The following IMPA1 variants were observed in gnomAD, a reference collection of about 807,000 sequenced individuals.
IMPA1 encodes D-galactose 1-phosphate phosphatase.
A neutral mutation model predicts 34.9 loss-of-function variants in IMPA1; 21 were observed. The ratio of observed to expected loss-of-function variants is 0.60; its 90% CI spans 0.43 to 0.87. IMPA1 has a LOEUF of 0.87. Among genes scored for constraint, IMPA1 ranks in the 40% least tolerant of loss-of-function variants. The pLI, the probability that IMPA1 is intolerant of heterozygous loss-of-function variation, is 0.00. For missense variants in IMPA1, 299 were observed against 336.4 expected, an observed-to-expected ratio of 0.89 and a Z score of 0.87; for synonymous variants, 95 against 104.4, an observed-to-expected ratio of 0.91 and a Z score of 0.55.
intron 7 of IMPA1, among the ~76,000 whole-genome samples, chr8:81,670,688 C>T (rs1806959957): frequency 6.6e-6 from 1 of 152,108 alleles, no homozygotes; most frequent in African/African-American, 2.4e-5. Flanking sequence ...TAGACTGAAT[C>T]CTACTTTATT....
chr8:81,668,183 A>G (rs1245672945), intron 7 of IMPA1, among the ~76,000 whole-genome samples: 1 of 152,142 alleles, frequency 6.6e-6, no homozygotes, highest in Non-Finnish European at 1.5e-5. Flanking sequence ...TATCTGGCAG[A>G]AAAAAATTTC....
At chr8:81,686,182 A>G in intron 1 of IMPA1, 70 bp downstream of exon 1, 34 of 945,166 alleles carry the variant, frequency 3.6e-5, no homozygotes, top group Non-Finnish European at 4.4e-5. Context: ...TGAGGAGGGA[A>G]GGGGCCTCCC....
intron 8 of IMPA1, 34 bp downstream of exon 8, chr8:81,660,482 G>A (rs369312913): frequency 3.1e-6 from 5 of 1,590,720 alleles, no homozygotes; most frequent in African/African-American, 2.7e-5. Context: ...TCCAACAGAT[G>A]TGTGGAGATC....
chr8:81,675,675 A>T (rs1026477887), intron 5 of IMPA1, among the ~76,000 whole-genome samples: 3 of 152,234 alleles, frequency 2.0e-5, no homozygotes, highest in African/African-American at 7.2e-5. Flanking sequence ...GTTAGTAACC[A>T]TCCTTTACTG....
rs1249613593 is a variant in IMPA1 at position 81,660,524 on chromosome 8, T to G, written c.710A>C (p.Asp237Ala). The G allele has an allele frequency of 6.2e-7, 1 of 1,613,498 alleles. No individual in the cohort carries two copies. The highest frequency in any genetic ancestry group is 8.5e-7 in the Non-Finnish European group (1 of 1,179,630). Reference protein sequence around the residue: ...IVTEAGGVLMDVTGGPFDLMS... With the variant: ...IVTEAGGVLMAVTGGPFDLMS... The stretch of plus-strand genomic sequence containing the variant: ...ACTCTCCATAATTTTACCTGTAACA[T>G]CCATTAGCACGCCACCAGCTTCAGT... The change falls in exon 8 of 9, where the codon GAT becomes GCT. Residue 237 changes from aspartate (D) to alanine (A), a missense_variant. Coordinates refer to ENST00000256108, the MANE Select transcript of IMPA1 (RefSeq NM_005536.4).
At chr8:81,679,658 T>C (rs1426216740) in intron 3 of IMPA1, among the ~76,000 whole-genome samples, 2 of 151,982 alleles carry the variant, frequency 1.3e-5, no homozygotes, top group Admixed American at 6.6e-5. Flanking sequence ...CCTACACTTT[T>C]CTATTGTTGC....
At chr8:81,675,893 C>G (rs142495018) in intron 5 of IMPA1, among the ~76,000 whole-genome samples, 2 of 152,144 alleles carry the variant, frequency 1.3e-5, no homozygotes, top group Non-Finnish European at 1.5e-5. Flanking sequence ...TAAAGCATTC[C>G]CAGCTCAAAT....
In IMPA1 at chr8:81,679,526, T is replaced by C. The variant is rs536365814; in HGVS notation, c.198-296A>G. ...AACTTGGAAGGCTGAGGCAGGAGAA[T>C]GGCTTTAGCCTGGTAGGCGGAGGTT... On this transcript the variant is annotated intron_variant, in intron 3 of 8. Transcript: ENST00000256108. Among the ~76,000 whole-genome samples the C allele has an allele frequency of 2.7e-5, 4 of 150,680 alleles. No individual in the cohort carries two copies. In the East Asian group the frequency reaches 7.9e-4, roughly 30 times the overall value.
At chr8:81,685,348 T>A (rs1807479613) in intron 1 of IMPA1, among the ~76,000 whole-genome samples, 1 of 137,690 alleles carries the variant, frequency 7.3e-6, no homozygotes, top group Non-Finnish European at 1.5e-5. Flanking sequence ...ATACTATATG[T>A]AAGTATATAT....
At chr8:81,673,232 A>G (rs1807039882) in intron 6 of IMPA1, among the ~76,000 whole-genome samples, 1 of 152,242 alleles carries the variant, frequency 6.6e-6, no homozygotes, top group Non-Finnish European at 1.5e-5. Flanking sequence ...AGACAAATTC[A>G]TATCTGATTG....
intron 8 of IMPA1, 59 bp from the exon 9 acceptor site, chr8:81,659,525 A>T: frequency 5.3e-6 from 5 of 950,876 alleles, no homozygotes; most frequent in African/African-American, 1.6e-5. Context: ...TTCATATAAA[A>T]CAAGTATAGC....
intron 7 of IMPA1, among the ~76,000 whole-genome samples, chr8:81,670,508 G>A (rs1176533075): frequency 6.6e-6 from 1 of 152,140 alleles, no homozygotes; most frequent in African/African-American, 2.4e-5. Context: ...AAGTGACAAG[G>A]TGGAAATAAC....
intron 1 of IMPA1, among the ~76,000 whole-genome samples, chr8:81,684,349 T>C (rs1466047102): frequency 6.9e-6 from 1 of 145,376 alleles, no homozygotes; most frequent in Non-Finnish European, 1.5e-5. Context: ...ATATAGTATA[T>C]ATACCATACA....
In IMPA1 at chr8:81,659,095, T is replaced by A. The variant is rs552863713; in HGVS notation, c.*256A>T. 2.2e-6 allele frequency: 1 copy of A among 452,626 alleles called. No homozygotes were observed. The highest frequency in any genetic ancestry group is 4.5e-5 in the East Asian group (1 of 22,460). The allele number at this position is 452,626 out of a possible 1,614,324, so 28.0% of individuals were successfully genotyped here. On this transcript the variant is annotated 3_prime_UTR_variant, in exon 9 of 9. Coordinates refer to ENST00000256108, the MANE Select transcript of IMPA1 (RefSeq NM_005536.4). ...TGCTAATTGACTATTTCAGTTGATG[T>A]TATATTTATCAACTGTACTTCCTGG...
intron 5 of IMPA1, chr8:81,674,667 C>A: frequency 2.8e-6 from 1 of 363,326 alleles, no homozygotes; most frequent in Non-Finnish European, 5.4e-6. Flanking sequence ...TCTTTTCTGC[C>A]TCACCCTGAA....
At chr8:81,679,434 G>A (rs1442449640) in intron 3 of IMPA1, among the ~76,000 whole-genome samples, 1 of 152,116 alleles carries the variant, frequency 6.6e-6, no homozygotes, top group African/African-American at 2.4e-5. Flanking sequence ...CCAATGTGGT[G>A]AAACCCCATC....
In IMPA1 at chr8:81,657,061, A is replaced by T. The variant is rs1806538653; in HGVS notation, c.*2290T>A. ...TAAGTCTAAGAAGTCCTGTTACTCA[A>T]AGAAATATTTTCAAATATTATTAGA... On this transcript the variant is annotated 3_prime_UTR_variant, in exon 9 of 9. Transcript: ENST00000256108. Among the ~76,000 whole-genome samples, 1 of 152,202 alleles carries T rather than the reference A, an allele frequency of 6.6e-6. No homozygotes were observed. Among genetic ancestry groups the T allele is most frequent in the Non-Finnish European group, 1.5e-5 (1 of 68,032 alleles).
chr8:81,686,122 G>A, intron 1 of IMPA1, 130 bp downstream of exon 1: 2 of 804,124 alleles, frequency 2.5e-6, no homozygotes, highest in Non-Finnish European at 3.3e-6. Context: ...GTCACCCAGA[G>A]GCTGCCTCCA....
intron 7 of IMPA1, 70 bp downstream of exon 7, chr8:81,670,869 G>GAA: frequency 5.9e-5 from 36 of 608,172 alleles, no homozygotes; most frequent in South Asian, 1.0e-4. Context: ...AATGGTACAG[G>GAA]AAAAAAAAAA....
Sources: gnomAD v4.1 joint callset for allele counts (sites outside exome capture counted in the v4.1 genomes callset) on GRCh38, gnomAD v4.1.1 for gene constraint, MANE v1.5 for transcripts, NCBI Gene and HGNC (gene_info 2026-07-23, HGNC 2026-07-21) for gene names.